RNF180: variants seen among roughly 807,000 people sequenced by gnomAD.
The protein encoded by RNF180 is ring finger protein 180.
Under a neutral mutation model 59.2 loss-of-function variants are expected in RNF180, and 38 were observed. That is an observed-to-expected ratio of 0.64 (90% confidence interval 0.50 to 0.84). RNF180 has a LOEUF of 0.84. Among genes scored for constraint, RNF180 ranks in the 40% least tolerant of loss-of-function variants. The probability of loss-of-function intolerance (pLI) is 0.00; values close to 1 mark genes in which losing one functional copy is unlikely to be tolerated. For synonymous variants in RNF180, 262 were observed against 240.3 expected (o/e 1.09, Z -0.84); for missense variants, 705 against 700.9 (o/e 1.01, Z -0.07).
At chr5:64,351,799 A>G (rs764361736) in intron 7 of RNF180, among the ~76,000 whole-genome samples, 2,716 of 150,962 alleles carry the variant, frequency 0.018, 54 homozygotes, top group Middle Eastern at 0.049. Context: ...TGCTGGATTC[A>G]GTTTGCCAGT....
At chr5:64,257,777 A>C (rs778912176) in intron 5 of RNF180, among the ~76,000 whole-genome samples, 18 of 152,294 alleles carry the variant, frequency 1.2e-4, no homozygotes, top group Non-Finnish European at 1.6e-4. Flanking sequence ...TTCAGAACCC[A>C]CACAATAATA....
At chr5:64,177,747 TAA>T (rs979282470) in intron 1 of RNF180, among the ~76,000 whole-genome samples, 1 of 151,748 alleles carries the variant, frequency 6.6e-6, no homozygotes, top group Non-Finnish European at 1.5e-5. Flanking sequence ...TCAGATGAGG[TAA>T]CTGAGATGAG....
At chr5:64,239,666 C>T (rs1310950495) in intron 5 of RNF180, among the ~76,000 whole-genome samples, 1 of 152,052 alleles carries the variant, frequency 6.6e-6, no homozygotes, top group Non-Finnish European at 1.5e-5. Context: ...TTTTATGAAA[C>T]ATGGTGTTTT....
At chr5:64,183,526 C>A (rs958979442) in intron 1 of RNF180, among the ~76,000 whole-genome samples, 1 of 137,436 alleles carries the variant, frequency 7.3e-6, no homozygotes, top group African/African-American at 2.8e-5. Context: ...TGTCTCACTG[C>A]AACCTCCACC....
upstream of RNF180, chr5:64,165,717 C>G (rs1347284111): frequency 6.6e-6 from 1 of 152,186 alleles, no homozygotes; most frequent in Non-Finnish European, 1.5e-5. Flanking sequence ...AGACGTGGGG[C>G]GAGCAGGGCC....
chr5:64,177,317 G>A (rs1262071490), intron 1 of RNF180, among the ~76,000 whole-genome samples: 1 of 151,798 alleles, frequency 6.6e-6, no homozygotes, highest in East Asian at 1.9e-4. Flanking sequence ...CTTGGCTGAT[G>A]CTATTTAAAT....
At position 64,266,492 on chromosome 5, in the gene RNF180, G is replaced by A. The variant is rs530029327; in HGVS notation, c.1227+49096G>A. 9.9e-5 allele frequency among the ~76,000 whole-genome samples: 15 copies of A among 152,122 alleles called. 1 individual carries two copies. The South Asian group carries it at 2.9e-3, about 29-fold the overall frequency. ...ATTGAATGGAAAAATTGTTGCTAAG[G>A]GAATGACCCCAGAATATTATAGGCT... On this transcript the variant is annotated intron_variant, in intron 5 of 7. Coordinates refer to ENST00000389100, the MANE Select transcript of RNF180 (RefSeq NM_001113561.2).
chr5:64,253,235 C>A (rs1193050811), intron 5 of RNF180, among the ~76,000 whole-genome samples: 1 of 152,084 alleles, frequency 6.6e-6, no homozygotes, highest in Non-Finnish European at 1.5e-5. Flanking sequence ...AGCTATGAAC[C>A]TTCATTCTAT....
chr5:64,176,455 T>A (rs1750241931), intron 1 of RNF180, among the ~76,000 whole-genome samples: 2 of 152,154 alleles, frequency 1.3e-5, no homozygotes, highest in African/African-American at 2.4e-5. Flanking sequence ...CTCGAAAAAA[T>A]CCCTTTTTGT....
At chr5:64,226,356 C>A (rs1741756477) in intron 5 of RNF180, among the ~76,000 whole-genome samples, 1 of 152,212 alleles carries the variant, frequency 6.6e-6, no homozygotes, top group Non-Finnish European at 1.5e-5. Flanking sequence ...TGATCTATAA[C>A]CTTACCCCCA....
chr5:64,297,322 A>G (rs1742932779), intron 5 of RNF180, among the ~76,000 whole-genome samples: 1 of 151,938 alleles, frequency 6.6e-6, no homozygotes, highest in Admixed American at 6.6e-5. Flanking sequence ...TCAGTGCTTT[A>G]TAGAAAGTGC....
chr5:64,257,727 G>A (rs1450842506), intron 5 of RNF180, among the ~76,000 whole-genome samples: 1 of 152,132 alleles, frequency 6.6e-6, no homozygotes, highest in Non-Finnish European at 1.5e-5. Flanking sequence ...CATAAAATGA[G>A]TTAGGGAGGA....
chr5:64,299,197 A>G (rs1233959035), intron 5 of RNF180, among the ~76,000 whole-genome samples: 1 of 151,978 alleles, frequency 6.6e-6, no homozygotes, highest in Non-Finnish European at 1.5e-5. Context: ...AAATTCCTTG[A>G]TCTTGGACTT....
chr5:64,286,592 T>C (rs1742300324), intron 5 of RNF180, among the ~76,000 whole-genome samples: 1 of 152,240 alleles, frequency 6.6e-6, no homozygotes, highest in South Asian at 2.1e-4. Context: ...TCTTTATCAC[T>C]TTTTTCAAGC....
chr5:64,294,195 A>G (rs1298025147), intron 5 of RNF180, among the ~76,000 whole-genome samples: 1 of 152,190 alleles, frequency 6.6e-6, no homozygotes, highest in Non-Finnish European at 1.5e-5. Flanking sequence ...AAAGGGTATA[A>G]TTGGATTGTT....
intron 7 of RNF180, among the ~76,000 whole-genome samples, chr5:64,361,247 A>G (rs544945563): frequency 4.6e-5 from 7 of 151,598 alleles, no homozygotes; most frequent in Non-Finnish European, 7.4e-5. Context: ...AATAGTAACA[A>G]GTTGAGTTCC....
chr5:64,241,430 A>C (rs532145218), intron 5 of RNF180, among the ~76,000 whole-genome samples: 2 of 152,234 alleles, frequency 1.3e-5, no homozygotes, highest in African/African-American at 4.8e-5. Context: ...TTAAACAAGA[A>C]CCCATTGCCT....
intron 1 of RNF180, 88 bp downstream of exon 1, chr5:64,166,041 G>C (rs957312278): frequency 3.9e-5 from 6 of 152,396 alleles, no homozygotes; most frequent in Non-Finnish European, 8.8e-5. Context: ...ACCCAGCCGC[G>C]GTGGCCCGGG....
rs533603938 is a variant in RNF180, at chr5:64,352,952, G to C, written c.1580-16663G>C. 5.3e-4 allele frequency among the ~76,000 whole-genome samples: 80 copies of C among 151,826 alleles called. 1 individual carries two copies. Among genetic ancestry groups the C allele is most frequent in the African/African-American group, 1.9e-3 (77 of 41,494 alleles). ...TTTATTTTTAATCTGTAAAATGGGG[G>C]AACATATCTATCCTAAATGACTGTT... On this transcript the variant is annotated intron_variant, in intron 7 of 7. Coordinates refer to ENST00000389100, the MANE Select transcript of RNF180 (RefSeq NM_001113561.2).
Sources: gnomAD v4.1 joint callset for allele counts (sites outside exome capture counted in the v4.1 genomes callset) on GRCh38, gnomAD v4.1.1 for gene constraint, MANE v1.5 for transcripts, NCBI Gene and HGNC (gene_info 2026-07-23, HGNC 2026-07-21) for gene names.